The following MVB12A variants were observed in gnomAD, a reference collection of about 807,000 sequenced individuals.
MVB12A encodes the protein multivesicular body subunit 12A, also known as CIN85/CD2AP family binding protein.
In MVB12A, 30 loss-of-function variants were observed where a neutral mutation model predicts 34.3. The observed-to-expected ratio is 0.88, with a 90% CI of 0.65 to 1.19. MVB12A has a LOEUF of 1.19. Among genes scored for constraint, MVB12A ranks in the 50% most tolerant of loss-of-function variants. MVB12A has a pLI of 0.00. For synonymous variants in MVB12A, 158 were observed against 158.9 expected, an observed-to-expected ratio of 0.99 and a Z score of 0.04; for missense variants, 355 against 369.2, an observed-to-expected ratio of 0.96 and a Z score of 0.31.
At chr19:17,420,707 C>A in intron 3 of MVB12A, 73 bp downstream of exon 3, 3 of 1,088,454 alleles carry the variant, frequency 2.8e-6, no homozygotes, top group Non-Finnish European at 4.2e-6. Context: ...GGACGACGGG[C>A]GCGCGGTATC....
rs1355458158 is a variant in MVB12A, at chr19:17,425,020, C to T, written c.*27C>T. The T allele has an allele frequency of 6.7e-7, 1 of 1,484,320 alleles. No homozygotes were observed. Among genetic ancestry groups the T allele is most frequent in the South Asian group, 1.2e-5 (1 of 83,574 alleles). 91.9% of individuals were successfully genotyped at this position (1,484,320 alleles called of 1,614,324 possible). ...CCCTCACCCTTCCGCGGAAAGAGCC[C>T]CCTTACTCCACCTCCCCGCCAGCCT... On this transcript the variant is annotated 3_prime_UTR_variant, in exon 9 of 9. Coordinates refer to ENST00000317040, the MANE Select transcript of MVB12A (RefSeq NM_138401.4).
intron 4 of MVB12A, among the ~76,000 whole-genome samples, chr19:17,423,269 G>T (rs1027662049): frequency 1.4e-5 from 2 of 146,552 alleles, no homozygotes; most frequent in African/African-American, 5.1e-5. Context: ...TGAGGCAGGA[G>T]AATCGTTTGA....
chr19:17,424,771 A>G (rs2074860052), intron 8 of MVB12A, 94 bp downstream of exon 8: 2 of 1,488,554 alleles, frequency 1.3e-6, no homozygotes, highest in Admixed American at 4.1e-5. Flanking sequence ...AGGCTGTCCC[A>G]GTTTTCCCCA....
rs921024018 is a variant in MVB12A at position 17,422,671 on chromosome 19, C to G, written c.413+213C>G. ...GGTGTCTAAAGTAGACATAACAGGA[C>G]TGGGCGCGGTGGCTCACGCCTGTAA... On this transcript the variant is annotated intron_variant, in intron 4 of 8. Coordinates refer to ENST00000317040, the MANE Select transcript of MVB12A (RefSeq NM_138401.4). The G allele has an allele frequency of 2.1e-5, 8 of 373,190 alleles. No individual in the cohort carries two copies. In the South Asian group the frequency reaches 4.4e-4, roughly 21 times the overall value. The allele number at this position is 373,190 out of a possible 1,614,324, so 23.1% of individuals were successfully genotyped here. A position where few individuals can be genotyped will look rare whatever the true frequency, so the allele number is the denominator to read the frequency against.
rs768660064 is a variant in MVB12A at position 17,420,386 on chromosome 19, G to C, written c.164G>C (p.Cys55Ser). ...GCGCAGAAATCTGGCTACTTCCTGT[G>C]CCTTAGTTCTCTGGGCAGCCTAGAG... Reference protein sequence around the residue: ...SFAQKSGYFLCLSSLGSLENP... With the variant: ...SFAQKSGYFLSLSSLGSLENP... The change falls in exon 2 of 9, where the codon TGC becomes TCC. Residue 55 changes from cysteine to serine, a missense_variant. By Grantham distance (112) the Cys-to-Ser change is moderately radical. Transcript: ENST00000317040. 6.2e-7 allele frequency: 1 copy of C among 1,613,976 alleles called. No homozygotes were observed. The highest frequency in any genetic ancestry group is 8.5e-7 in the Non-Finnish European group (1 of 1,179,946).
chr19:17,424,837 C>T (rs1480997316), intron 8 of MVB12A, 94 bp from the exon 9 acceptor site: 11 of 1,197,784 alleles, frequency 9.2e-6, no homozygotes, highest in East Asian at 7.1e-5. Context: ...CCACTCAAGT[C>T]CCTAAGTACC....
rs1166213582 is a variant in MVB12A at position 17,424,692 on chromosome 19, A to G, written c.759+15A>G. 1 of 1,600,908 alleles carries G rather than the reference A, an allele frequency of 6.2e-7. No homozygotes were observed. The highest frequency in any genetic ancestry group is 8.5e-7 in the Non-Finnish European group (1 of 1,171,736). On this transcript the variant is annotated intron_variant, in intron 8 of 8. Transcript: ENST00000317040. ...TTGAGGAGGAGGTGGGTGCAGGGCT[A>G]GGGAGGAGGTGGGTGCAGGGCTAGG...
intron 2 of MVB12A, among the ~76,000 whole-genome samples, chr19:17,411,816 A>T (rs757172444): frequency 1.3e-5 from 2 of 152,112 alleles, no homozygotes; most frequent in Non-Finnish European, 2.9e-5. Context: ...AAATAGGAGC[A>T]AAGATCATCC....
At chr19:17,407,065 G>C (rs2074733497) in intron 2 of MVB12A, among the ~76,000 whole-genome samples, 1 of 152,148 alleles carries the variant, frequency 6.6e-6, no homozygotes, top group East Asian at 1.9e-4. Context: ...TGCATGAATT[G>C]CACATTGGAG....
chr19:17,407,780 G>A (rs1240766346), intron 2 of MVB12A, among the ~76,000 whole-genome samples: 1 of 152,174 alleles, frequency 6.6e-6, no homozygotes, highest in East Asian at 1.9e-4. Context: ...AGAGGTGGAG[G>A]AGCAGAGTCT....
rs201224186 is a variant in MVB12A at position 17,422,377 on chromosome 19, C to T, written c.332C>T (p.Pro111Leu). 1.2e-6 allele frequency: 2 copies of T among 1,613,498 alleles called. No individual in the cohort carries two copies. The highest frequency in any genetic ancestry group is 1.7e-6 in the Non-Finnish European group (2 of 1,179,784). ...AAACGCATGTGTGTGAAGCTGTTGC[C>T]CCTGGGAGCCACGGACACGGCTGTG... The part of the protein sequence containing the change: ...KKKRMCVKLL[P>L]LGATDTAVFD... Residue 111 changes from proline (P) to leucine (L), a missense_variant, in exon 4 of 9, where the codon CCC (proline) becomes CTC (leucine). Pro to Leu is a moderately conservative substitution (Grantham distance 98). Transcript: ENST00000317040.
chr19:17,407,850 T>C (rs1287676599), intron 2 of MVB12A, among the ~76,000 whole-genome samples: 1 of 152,186 alleles, frequency 6.6e-6, no homozygotes, highest in Non-Finnish European at 1.5e-5. Flanking sequence ...GTAGTGGGTG[T>C]TGTTCCTTGA....
chr19:17,422,071 C>T (rs942438419), intron 3 of MVB12A: 10 of 343,330 alleles, frequency 2.9e-5, no homozygotes, highest in East Asian at 4.9e-5. Flanking sequence ...CAGCTCTGTC[C>T]GATTCCACAG....
Position 17,420,113 on chromosome 19 carries a change from G to T in MVB12A, c.-23G>T. The T allele has an allele frequency of 3.9e-6, 5 of 1,293,550 alleles. No homozygotes were observed. The highest frequency in any genetic ancestry group is 3.9e-6 in the Non-Finnish European group (4 of 1,027,570). 80.1% of individuals were successfully genotyped at this position (1,293,550 alleles called of 1,614,324 possible). On this transcript the variant is annotated 5_prime_UTR_variant, in exon 1 of 9. Coordinates refer to ENST00000317040, the MANE Select transcript of MVB12A (RefSeq NM_138401.4). Reference sequence around the variant, plus strand: ...GTTCGAGGCTGTGCCCCGCGACCCCGCCTTCGGCGCTCGGCTCGCAGGATG... The same window carrying T: ...GTTCGAGGCTGTGCCCCGCGACCCCTCCTTCGGCGCTCGGCTCGCAGGATG...
upstream of MVB12A, chr19:17,417,774 A>G: frequency 4.2e-6 from 1 of 240,504 alleles, no homozygotes; most frequent in East Asian, 1.1e-4. Context: ...AGTGTACTTT[A>G]TCCGCCTTTG....
At chr19:17,424,752 G>A (rs2074859913) in intron 8 of MVB12A, 75 bp downstream of exon 8, 1 of 1,518,828 alleles carries the variant, frequency 6.6e-7, no homozygotes, top group African/African-American at 1.4e-5. Flanking sequence ...CCCGCCCCTC[G>A]TCCGCCCCAG....
rs2074842768 is a variant in MVB12A, at chr19:17,422,240, A to C, written c.287-92A>C. 5.6e-5 allele frequency: 74 copies of C among 1,313,424 alleles called. 2 individuals carry two copies. In the South Asian group the frequency reaches 1.0e-3, roughly 18 times the overall value. The allele number at this position is 1,313,424 out of a possible 1,614,324, so 81.4% of individuals were successfully genotyped here. ...TGTTGTCCATGTGGCTGCCTTAAAC[A>C]GCACCCTGGCGAGCCTCATCCTAGA... On this transcript the variant is annotated intron_variant, in intron 3 of 8. Transcript: ENST00000317040.
rs770611718 is a variant in MVB12A, at chr19:17,423,739, G to C, written c.580G>C (p.Ala194Pro). 6.2e-7 allele frequency: 1 copy of C among 1,613,800 alleles called. No homozygotes were observed. Among genetic ancestry groups the C allele is most frequent in the African/African-American group, 1.3e-5 (1 of 74,934 alleles). ...ERTASRLGSR[A>P]STLRRNDSIY... ...GACAGCGTCAAGGCTGGGCTCTCGG[G>C]CATCCACTCTGCGGAGGAATGACTC... is the stretch of plus-strand genomic sequence containing the variant. The change falls in exon 6 of 9, where the codon GCA (alanine) becomes CCA (proline). Residue 194 changes from alanine to proline, a missense_variant. By Grantham distance (27) the Ala-to-Pro change is conservative. Coordinates refer to ENST00000317040, the MANE Select transcript of MVB12A (RefSeq NM_138401.4).
At chr19:17,408,358 T>G (rs1421821883) in intron 2 of MVB12A, among the ~76,000 whole-genome samples, 1 of 151,306 alleles carries the variant, frequency 6.6e-6, no homozygotes, top group African/African-American at 2.4e-5. Context: ...CTGGTCAACA[T>G]AGAGAGATCC....
Sources: gnomAD v4.1 joint callset for allele counts (sites outside exome capture counted in the v4.1 genomes callset) on GRCh38, gnomAD v4.1.1 for gene constraint, MANE v1.5 for transcripts, NCBI Gene and HGNC (gene_info 2026-07-23, HGNC 2026-07-21) for gene names.